The following ZAN variants were observed in gnomAD, a reference collection of about 807,000 sequenced individuals.
The protein encoded by ZAN is zonadhesin.
In ZAN, 260 loss-of-function variants were observed where a neutral mutation model predicts 286.2. That is an observed-to-expected ratio of 0.91 (90% CI 0.82 to 1.01). ZAN has a LOEUF of 1.01. ZAN is among the 50% of genes least tolerant of loss of function. The pLI, the probability that ZAN is intolerant of heterozygous loss-of-function variation, is 0.00. For missense variants in ZAN, 3,410 were observed against 3,639.2 expected (o/e 0.94, Z 1.62); for synonymous variants, 1,368 against 1,417.5 (o/e 0.97, Z 0.79).
rs1042409580 is a variant in ZAN, at chr7:100,738,611, G to A, written c.764G>A (p.Gly255Asp). ...CCTGATGGCGACTTCTCTAGCCCTGGTAGTGAGTAGCGGCCATGCTTCTGT... is the reference window on the plus strand; with the variant it reads ...CCTGATGGCGACTTCTCTAGCCCTGATAGTGAGTAGCGGCCATGCTTCTGT... ...VGPDGDFSSP[G>D]SGCYMLLDPK... Residue 255 changes from glycine (G) to aspartate (D), a missense_variant and splice_region_variant, in exon 7 of 48, where the codon GGT becomes GAT. Around this residue, in one of 7 missense-constraint regions of ZAN, gnomAD observed 872 missense variants for 938.9 expected, o/e 0.93. Transcript: ENST00000613979. 5 of 1,516,448 alleles carry A rather than the reference G, an allele frequency of 3.3e-6. No homozygotes were observed. Among genetic ancestry groups the A allele is most frequent in the African/African-American group, 1.4e-5 (1 of 70,826 alleles). 93.9% of individuals were successfully genotyped at this position (1,516,448 alleles called of 1,614,324 possible).
In ZAN at chr7:100,737,041, C is replaced by T. The variant is rs762170838; in HGVS notation, c.486C>T (p.Thr162=). The T allele has an allele frequency of 4.0e-6, 6 of 1,499,268 alleles. No individual in the cohort carries two copies. The East Asian group carries it at 1.4e-4, about 35-fold the overall frequency. The allele number at this position is 1,499,268 out of a possible 1,614,324, so 92.9% of individuals were successfully genotyped here. Residue 162 remains threonine, a synonymous_variant, in exon 5 of 48, where the codon ACC becomes ACT. Coordinates refer to ENST00000613979, the MANE Select transcript of ZAN (RefSeq NM_003386.3). ...CCCAGAGACCCTCCTGGATGCTCACCACCGTCACTGTGCCCGCAGGGTTCA... is the reference window on the plus strand; with the variant it reads ...CCCAGAGACCCTCCTGGATGCTCACTACCGTCACTGTGCCCGCAGGGTTCA... The part of the protein sequence containing the change: ...WNTQRPSWML[T]TVTVPAGFTL...
Position 100,747,615 on chromosome 7 carries a change from A to C in ZAN, c.997A>C (p.Asn333His), listed in dbSNP as rs978507169. The C allele has an allele frequency of 3.7e-6, 6 of 1,613,674 alleles. No homozygotes were observed. The highest frequency in any genetic ancestry group is 1.3e-5 in the African/African-American group (1 of 74,882). The change falls in exon 9 of 48, where the codon AAT becomes CAT. Residue 333 changes from asparagine (N) to histidine (H), a missense_variant. By Grantham distance (68) the Asn-to-His change is moderately conservative. Transcript: ENST00000613979. ...GCCCAACTGGCAGGCTGTTTCTGTC[A>C]ATTACACAGCCGTGGGACGGATACA... ...PGPNWQAVSV[N>H]YTAVGRIQFA... is the part of the protein sequence containing the mutation.
Position 100,735,762 on chromosome 7 carries a change from T to C in ZAN, c.96T>C (p.Ser32=). 2.0e-6 allele frequency: 3 copies of C among 1,504,588 alleles called. 1 individual carries two copies. Among genetic ancestry groups the C allele is most frequent in the Non-Finnish European group, 2.7e-6 (3 of 1,097,740 alleles). The allele number at this position is 1,504,588 out of a possible 1,614,324, so 93.2% of individuals were successfully genotyped here. ...PPDQKLVVRS[S]RDNYVLTQCD... is the part of the protein sequence containing the mutation. ...ACCAGAAGCTGGTTGTTCGCAGCTC[T>C]AGGGACAACTGTGAGTTGGAAACCA... is the stretch of plus-strand genomic sequence containing the variant. The change falls in exon 3 of 48, where the codon TCT becomes TCC. Residue 32 remains serine (S), a synonymous_variant. Coordinates refer to ENST00000613979, the MANE Select transcript of ZAN (RefSeq NM_003386.3).
chr7:100,789,221 A>G lies in ZAN; in HGVS notation c.7231A>G (p.Asn2411Asp), dbSNP rs565497612. 43 of 1,613,134 alleles carry G rather than the reference A, an allele frequency of 2.7e-5. No individual in the cohort carries two copies. In the South Asian group the frequency reaches 4.4e-4, roughly 16 times the overall value. Reference sequence around the variant, plus strand: ...GGCTCCTGTCTTCCCTCTTTAGGTCAACAACCAGAAGATGGCCGTCCCCTA... The same window carrying G: ...GGCTCCTGTCTTCCCTCTTTAGGTCGACAACCAGAAGATGGCCGTCCCCTA... Reference protein sequence around the residue: ...QLQAGLELVVNNQKMAVPYRP... With the variant: ...QLQAGLELVVDNQKMAVPYRP... Residue 2411 changes from asparagine to aspartate, a missense_variant, in exon 39 of 48, where the codon AAC becomes GAC. Asn to Asp is a conservative substitution (Grantham distance 23). Transcript: ENST00000613979.
At chr7:100,791,389 CCTTCTCCTCCTCCTCCTCCTTCTT>C (rs1330192660) in intron 40 of ZAN, among the ~76,000 whole-genome samples, 2 of 151,886 alleles carry the variant, frequency 1.3e-5, no homozygotes, top group African/African-American at 2.4e-5. Context: ...TCTTCCTCCT[CCTTCTCCTCCTCCTCCTCCTTCTT>C]CTTCTCCTCC....
rs566905182 is a variant in ZAN at position 100,751,578 on chromosome 7, G to A, written c.1607-134G>A. 147 of 957,274 alleles carry A rather than the reference G, an allele frequency of 1.5e-4. No individual in the cohort carries two copies. The African/African-American group carries it at 2.2e-3, about 15-fold the overall frequency. 59.3% of individuals were successfully genotyped at this position (957,274 alleles called of 1,614,324 possible). A position where few individuals can be genotyped will look rare whatever the true frequency, so the allele number is the denominator to read the frequency against. ...ATATATTAGTGTTCGTTGAGTGGAT[G>A]AAGGTTGGGGTTTGGGAGTAGAAAG... On this transcript the variant is annotated intron_variant, in intron 13 of 47. Transcript: ENST00000613979.
chr7:100,773,637 T>A lies in ZAN; in HGVS notation c.5635-84T>A, dbSNP rs888683336. 1.9e-6 allele frequency: 3 copies of A among 1,552,176 alleles called. No homozygotes were observed. In the Admixed American group the frequency reaches 5.7e-5, roughly 30 times the overall value. On this transcript the variant is annotated intron_variant, in intron 30 of 47. Coordinates refer to ENST00000613979, the MANE Select transcript of ZAN (RefSeq NM_003386.3). ...CTGGGGGGCGAGGAGGAAGGGCAGATGCTGCACCCAGCTTCAACTGGGGCG... is the reference window on the plus strand; with the variant it reads ...CTGGGGGGCGAGGAGGAAGGGCAGAAGCTGCACCCAGCTTCAACTGGGGCG...
At chr7:100,788,933 A>C (rs1297105103) in intron 38 of ZAN, among the ~76,000 whole-genome samples, 1 of 152,092 alleles carries the variant, frequency 6.6e-6, no homozygotes, top group Non-Finnish European at 1.5e-5. Context: ...TCCTGACCTC[A>C]AGTGATCCGC....
chr7:100,783,199 T>C (rs983523462), intron 35 of ZAN, among the ~76,000 whole-genome samples: 3 of 151,510 alleles, frequency 2.0e-5, no homozygotes, highest in Non-Finnish European at 4.4e-5. Context: ...ACCTGGGAGG[T>C]GGAGGTTGCA....
At position 100,752,594 on chromosome 7, in the gene ZAN, C is replaced by A. The variant is rs1435516031; in HGVS notation, c.2489C>A (p.Thr830Asn). 2 of 1,612,494 alleles carry A rather than the reference C, an allele frequency of 1.2e-6. No individual in the cohort carries two copies. The highest frequency in any genetic ancestry group is 1.7e-6 in the Non-Finnish European group (2 of 1,179,542). Reference protein sequence around the residue: ...EKPTLPTEETTTSVEETTIST... With the variant: ...EKPTLPTEETNTSVEETTIST... ...CCCACTCTCCCCACTGAAGAAACCA[C>A]CACCTCTGTTGAAGAGACTACCATC... The change falls in exon 14 of 48, where the codon ACC becomes AAC. Residue 830 changes from threonine (T) to asparagine (N), a missense_variant. This residue lies in a region of ZAN where 90 missense variants were observed against 87.1 expected (regional missense o/e 1.03). Coordinates refer to ENST00000613979, the MANE Select transcript of ZAN (RefSeq NM_003386.3).
Position 100,735,566 on chromosome 7 carries a change from A to C in ZAN, c.54-154A>C, listed in dbSNP as rs1170470581. 3.9e-5 allele frequency among the ~76,000 whole-genome samples: 5 copies of C among 128,214 alleles called. 1 individual carries two copies. The highest frequency in any genetic ancestry group is 1.6e-4 in the African/African-American group (5 of 30,702). 84.1% of individuals were successfully genotyped at this position (128,214 alleles called of 152,430 possible). ...TGGGTGCCGGAAAAAAAAAAAAAGAAAAGAAAAAAAGAAAAAAAGTCAAGT... is the reference window on the plus strand; with the variant it reads ...TGGGTGCCGGAAAAAAAAAAAAAGACAAGAAAAAAAGAAAAAAAGTCAAGT... On this transcript the variant is annotated intron_variant, in intron 2 of 47. Coordinates refer to ENST00000613979, the MANE Select transcript of ZAN (RefSeq NM_003386.3).
chr7:100,766,700 TGCCCAGGCAACACCAG>T, intron 24 of ZAN, 34 bp downstream of exon 24: 2 of 1,550,026 alleles, frequency 1.3e-6, no homozygotes, highest in Non-Finnish European at 8.7e-7. Flanking sequence ...AGCTGGGGGC[TGCCCAGGCAACACCAG>T]GCAAGGTGAT....
Position 100,797,765 on chromosome 7 carries a change from A to T in ZAN, c.*33A>T, listed in dbSNP as rs373686283. ...AGTTTTGAGCTGTCTTCAGACAAGA[A>T]GATTAAATAAATTTATATATTTATT... On this transcript the variant is annotated 3_prime_UTR_variant, in exon 48 of 48. Coordinates refer to ENST00000613979, the MANE Select transcript of ZAN (RefSeq NM_003386.3). 2.2e-5 allele frequency: 36 copies of T among 1,610,548 alleles called. No homozygotes were observed. The African/African-American group carries it at 3.9e-4, about 17-fold the overall frequency.
chr7:100,739,069 T>C lies in ZAN; in HGVS notation c.766+456T>C, dbSNP rs1414305019. 4.7e-5 allele frequency among the ~76,000 whole-genome samples: 6 copies of C among 128,110 alleles called. 1 individual carries two copies. The highest frequency in any genetic ancestry group is 1.7e-4 in the African/African-American group (6 of 35,108). 84.0% of individuals were successfully genotyped at this position (128,110 alleles called of 152,430 possible). A position where few individuals can be genotyped will look rare whatever the true frequency, so the allele number is the denominator to read the frequency against. On this transcript the variant is annotated intron_variant, in intron 7 of 47. Coordinates refer to ENST00000613979, the MANE Select transcript of ZAN (RefSeq NM_003386.3). Reference sequence around the variant, plus strand: ...TTCTGTCACCCAGTCTGGAGTGCAGTGGCGTGATCTCTGCTCACTGCAACC... The same window carrying C: ...TTCTGTCACCCAGTCTGGAGTGCAGCGGCGTGATCTCTGCTCACTGCAACC...
intron 19 of ZAN, among the ~76,000 whole-genome samples, chr7:100,761,686 C>G (rs1809591508): frequency 6.6e-6 from 1 of 151,844 alleles, no homozygotes; most frequent in Admixed American, 6.6e-5. Context: ...GTGGCTGACA[C>G]CTGTAATCCC....
intron 37 of ZAN, among the ~76,000 whole-genome samples, chr7:100,786,778 C>T (rs972488514): frequency 3.3e-5 from 5 of 151,852 alleles, no homozygotes; most frequent in Non-Finnish European, 7.4e-5. Context: ...GGAGGCTGGG[C>T]ATGGTGGTTC....
chr7:100,750,840 C>T lies in ZAN; in HGVS notation c.1465C>T (p.Pro489Ser), dbSNP rs752056869. The T allele has an allele frequency of 6.4e-5, 101 of 1,589,842 alleles. No individual in the cohort carries two copies. Among genetic ancestry groups the T allele is most frequent in the Non-Finnish European group, 8.5e-5 (99 of 1,166,386 alleles). The change falls in exon 12 of 48, where the codon CCT (proline) becomes TCT (serine). Residue 489 changes from proline (P) to serine (S), a missense_variant. Pro to Ser is a moderately conservative substitution (Grantham distance 74). Transcript: ENST00000613979. ...CTGGAAACGCGTGGGGTCTCAGCGCCCTTACTGGCAGAACACCTCCGTCAC... is the reference window on the plus strand; with the variant it reads ...CTGGAAACGCGTGGGGTCTCAGCGCTCTTACTGGCAGAACACCTCCGTCAC... The part of the protein sequence containing the change: ...PLWKRVGSQR[P>S]YWQNTSVTVP...
chr7:100,746,510 C>T (rs1466777385), intron 7 of ZAN, 28 bp from the exon 8 acceptor site: 1 of 1,612,712 alleles, frequency 6.2e-7, no homozygotes, highest in Admixed American at 1.7e-5. Context: ...TTCCATCCAC[C>T]CCAGTTCCCT....
At chr7:100,742,142 T>A (rs1807835879) in intron 7 of ZAN, among the ~76,000 whole-genome samples, 1 of 54,000 alleles carries the variant, frequency 1.9e-5, no homozygotes, top group Non-Finnish European at 3.7e-5. Flanking sequence ...GTCTCCTCAC[T>A]TCTCAGACGG....
Sources: gnomAD v4.1 joint callset for allele counts (sites outside exome capture counted in the v4.1 genomes callset) on GRCh38, gnomAD v4.1.1 for gene constraint, gnomAD v4.1.1 regional missense constraint, MANE v1.5 for transcripts, NCBI Gene and HGNC (gene_info 2026-07-23, HGNC 2026-07-21) for gene names.